Variants in BRD9 observed in about 807,000 individuals in gnomAD.
BRD9 encodes the protein bromodomain-containing protein 9.
BRD9 carries 47 observed loss-of-function variants against 68.7 expected under a neutral mutation model. That is an observed-to-expected ratio of 0.68 (90% CI 0.54 to 0.87). The LOEUF is 0.87. Ranked by LOEUF, BRD9 falls within the 40% of genes least tolerant of loss-of-function variation. The pLI is 0.00. For synonymous variants in BRD9, 313 were observed against 293.9 expected (o/e 1.06, Z -0.67); for missense variants, 670 against 748.4 (o/e 0.90, Z 1.22).
intron 5 of BRD9, 72 bp from the exon 6 acceptor site, chr5:887,543 C>G (rs1752745298): frequency 1.8e-6 from 2 of 1,140,168 alleles, no homozygotes; most frequent in Admixed American, 1.8e-5. Flanking sequence ...AGATGACTAC[C>G]AAGAGACCAA....
rs34850801 is a variant in BRD9 at position 881,123 on chromosome 5, G to C, written c.1026C>G (p.Ala342=). 1 of 1,614,004 alleles carries C rather than the reference G, an allele frequency of 6.2e-7. No homozygotes were observed. The highest frequency in any genetic ancestry group is 1.1e-5 in the South Asian group (1 of 91,084). The change falls in exon 9 of 16, where the codon GCC becomes GCG. Residue 342 remains alanine, a synonymous_variant. Transcript: ENST00000467963. Reference sequence around the variant, plus strand: ...GGCACCCACCATCAGCGTCCGGCTCGGCCGTGTTGACCACGCTGTAGAGCA... The same window carrying C: ...GGCACCCACCATCAGCGTCCGGCTCCGCCGTGTTGACCACGCTGTAGAGCA... The part of the protein sequence containing the change: ...GSLLYSVVNT[A]EPDADEEETH...
intron 11 of BRD9, among the ~76,000 whole-genome samples, chr5:878,135 C>T (rs1237691310): frequency 1.3e-5 from 2 of 152,222 alleles, no homozygotes; most frequent in African/African-American, 2.4e-5. Context: ...TCACAAGCTA[C>T]GCCCTGATCA....
intron 14 of BRD9, 91 bp from the exon 15 acceptor site, chr5:865,672 T>C (rs1749285700): frequency 7.3e-7 from 1 of 1,370,534 alleles, no homozygotes; most frequent in African/African-American, 1.4e-5. Flanking sequence ...CAGACAGGCC[T>C]CTCTGCTCAG....
chr5:877,843 C>A (rs1751183039), intron 11 of BRD9, among the ~76,000 whole-genome samples: 2 of 152,068 alleles, frequency 1.3e-5, no homozygotes, highest in African/African-American at 4.8e-5. Flanking sequence ...CCAATATGAC[C>A]AGGGTCCTTG....
rs1752704889 is a variant in BRD9 at position 887,243 on chromosome 5, A to G, written c.717+118T>C. ...TCTACCCTAGAGCAAAGGGGGCAAC[A>G]CCATGAGGGTGGCGGGTGGATGGAG... On this transcript the variant is annotated intron_variant, in intron 6 of 15. Transcript: ENST00000467963. The G allele has an allele frequency of 2.4e-6, 2 of 846,196 alleles. 1 individual carries two copies. The highest frequency in any genetic ancestry group is 3.1e-5 in the South Asian group (2 of 65,068). 52.4% of individuals were successfully genotyped at this position (846,196 alleles called of 1,614,324 possible).
intron 12 of BRD9, among the ~76,000 whole-genome samples, chr5:872,712 A>C (rs1010182595): frequency 1.3e-5 from 2 of 152,244 alleles, no homozygotes; most frequent in Non-Finnish European, 2.9e-5. Context: ...CAAGCATGGA[A>C]ATCAAGGAAA....
At position 890,995 on chromosome 5, in the gene BRD9, G is replaced by A. The variant is rs544069871; in HGVS notation, c.400+160C>T. 2.0e-5 allele frequency among the ~76,000 whole-genome samples: 3 copies of A among 152,290 alleles called. No homozygotes were observed. The South Asian group carries it at 6.2e-4, about 32-fold the overall frequency. On this transcript the variant is annotated intron_variant, in intron 3 of 15. Transcript: ENST00000467963. ...TTGCTCTAGACATTCAGAGACACCG[G>A]AGGAAACCTCAGGCCAGAGGACACC...
chr5:879,730 C>CT, intron 10 of BRD9, 64 bp downstream of exon 10: 1 of 536,662 alleles, frequency 1.9e-6, no homozygotes, highest in Non-Finnish European at 3.3e-6. Flanking sequence ...TTTGCCATCA[C>CT]TCCACTAAAC....
intron 8 of BRD9, chr5:883,682 A>G (rs1473746271): frequency 3.6e-6 from 2 of 558,384 alleles, no homozygotes; most frequent in Admixed American, 3.2e-5. Flanking sequence ...CAGGGCCTCC[A>G]TCAAGGAAAT....
intron 12 of BRD9, among the ~76,000 whole-genome samples, chr5:873,988 C>T (rs927843593): frequency 3.3e-5 from 5 of 152,340 alleles, no homozygotes; most frequent in South Asian, 4.1e-4. Flanking sequence ...TGGTAGGATC[C>T]GGCCATTATC....
rs748742547 is a variant in BRD9 at position 865,466 on chromosome 5, C to T, written c.1641G>A (p.Ser547=). Residue 547 remains serine, a synonymous_variant, in exon 15 of 16, where the codon TCG becomes TCA. Transcript: ENST00000467963. Reference sequence around the variant, plus strand: ...CGTTGGACAGGGAGCTGAGGTTGGACGACGGCCGAGAGCCGCCGCGCTCCG... The same window carrying T: ...CGTTGGACAGGGAGCTGAGGTTGGATGACGGCCGAGAGCCGCCGCGCTCCG... ...AQAERGGSRP[S]SNLSSLSNAS... is the part of the protein sequence containing the mutation. 1.9e-5 allele frequency: 30 copies of T among 1,598,582 alleles called. No homozygotes were observed. The highest frequency in any genetic ancestry group is 1.7e-4 in the Middle Eastern group (1 of 6,042).
At chr5:888,851 C>T (rs1353532315) in intron 5 of BRD9, among the ~76,000 whole-genome samples, 170 bp downstream of exon 5, 1 of 152,196 alleles carries the variant, frequency 6.6e-6, no homozygotes, top group East Asian at 1.9e-4. Flanking sequence ...ACAGAGAAAA[C>T]GTTCACGACC....
intron 3 of BRD9, chr5:890,034 CAA>C: frequency 2.9e-6 from 1 of 342,174 alleles, no homozygotes; most frequent in East Asian, 7.6e-5. Flanking sequence ...TAAAATTCAA[CAA>C]AAAGTAAATA....
chr5:876,623 A>G (rs1750977162), intron 11 of BRD9, among the ~76,000 whole-genome samples: 1 of 152,216 alleles, frequency 6.6e-6, no homozygotes, highest in Admixed American at 6.5e-5. Context: ...GACACTTCCA[A>G]GGCACTCCTT....
chr5:880,088 T>C (rs1220377363), intron 9 of BRD9, 199 bp from the exon 10 acceptor site: 1 of 540,524 alleles, frequency 1.9e-6, no homozygotes, highest in Non-Finnish European at 3.3e-6. Context: ...ATTTCATTTC[T>C]TTATCACCCC....
At chr5:889,725 T>C in intron 3 of BRD9, 78 bp from the exon 4 acceptor site, 1 of 1,586,470 alleles carries the variant, frequency 6.3e-7, no homozygotes, top group Non-Finnish European at 8.6e-7. Flanking sequence ...TCACAGTATC[T>C]GTCTGTCTGG....
rs370002591 is a variant in BRD9 at position 892,120 on chromosome 5, G to C, written c.53-266C>G. 8.6e-5 allele frequency: 45 copies of C among 523,666 alleles called. No homozygotes were observed. The South Asian group carries it at 9.9e-4, about 12-fold the overall frequency. 32.4% of individuals were successfully genotyped at this position (523,666 alleles called of 1,614,324 possible). ...CTGTGGGATGTTGTTCACATTACTC[G>C]TTCAAGAAGATGGATTAAGAGGGAC... On this transcript the variant is annotated intron_variant, in intron 1 of 15. Transcript: ENST00000467963.
chr5:878,196 T>C (rs1751252579), intron 11 of BRD9, among the ~76,000 whole-genome samples, 159 bp downstream of exon 11: 3 of 152,202 alleles, frequency 2.0e-5, no homozygotes, highest in Admixed American at 6.5e-5. Context: ...GTGGCAGACC[T>C]GTGTGGATGA....
At chr5:889,998 C>T (rs1477801744) in intron 3 of BRD9, 2 of 337,396 alleles carry the variant, frequency 5.9e-6, no homozygotes, top group Admixed American at 3.9e-5. Context: ...CTGAATTCAC[C>T]GATTATTATT....
Sources: allele counts gnomAD v4.1 joint callset (sites outside exome capture counted in the v4.1 genomes callset), GRCh38; gene constraint gnomAD v4.1.1; transcripts MANE v1.5; gene names NCBI Gene and HGNC (gene_info 2026-07-23, HGNC 2026-07-21).